GC: variants seen among roughly 807,000 people sequenced by gnomAD.
GC encodes vitamin D-binding protein.
A neutral mutation model predicts 56.7 loss-of-function variants in GC; 43 were observed. The observed-to-expected ratio is 0.76, with a 90% CI of 0.59 to 0.98. The LOEUF (loss-of-function observed/expected upper bound fraction) is 0.98. Among genes scored for constraint, GC ranks in the 50% least tolerant of loss-of-function variants. GC has a pLI of 0.00. For synonymous variants in GC, 216 were observed against 202.7 expected (o/e 1.07, Z -0.56); for missense variants, 529 against 545.9 (o/e 0.97, Z 0.31).
chr4:71,757,752 A>G (rs1407445989), intron 7 of GC, among the ~76,000 whole-genome samples: 2 of 152,214 alleles, frequency 1.3e-5, no homozygotes, highest in Non-Finnish European at 2.9e-5. Flanking sequence ...ATATGTGGTA[A>G]TGAATACCAT....
intron 1 of GC, among the ~76,000 whole-genome samples, chr4:71,792,591 T>G (rs1352499911): frequency 6.6e-6 from 1 of 152,144 alleles, no homozygotes; most frequent in Non-Finnish European, 1.5e-5. Context: ...ATTGCAAAAA[T>G]TTTCTCCCAT....
upstream of GC, among the ~76,000 whole-genome samples, chr4:71,786,194 A>AT (rs112539135): frequency 1.7e-4 from 26 of 151,934 alleles, 2 homozygotes; most frequent in African/African-American, 6.3e-4. Flanking sequence ...TCTTGGCTGA[A>AT]TTTTCTAACT....
intron 1 of GC, among the ~76,000 whole-genome samples, chr4:71,777,060 A>G (rs1372055324): frequency 1.3e-5 from 2 of 151,874 alleles, no homozygotes; most frequent in African/African-American, 2.4e-5. Flanking sequence ...AAAGATTAGT[A>G]ATTTATCTTT....
At chr4:71,781,007 C>T (rs919535956) in intron 1 of GC, among the ~76,000 whole-genome samples, 9 of 151,770 alleles carry the variant, frequency 5.9e-5, no homozygotes, top group South Asian at 2.1e-4. Flanking sequence ...AATGATAGAC[C>T]GGATTTAAAA....
At chr4:71,800,797 A>G (rs1010534275) in intron 1 of GC, among the ~76,000 whole-genome samples, 4 of 152,164 alleles carry the variant, frequency 2.6e-5, no homozygotes, top group African/African-American at 9.7e-5. Context: ...ATGGTATCTC[A>G]TTGTGATTTT....
Position 71,751,848 on chromosome 4 carries a change from G to T in GC, c.1395+670C>A, listed in dbSNP as rs1308728440. 3.3e-5 allele frequency among the ~76,000 whole-genome samples: 5 copies of T among 150,942 alleles called. No individual in the cohort carries two copies. The East Asian group carries it at 9.7e-4, about 29-fold the overall frequency. On this transcript the variant is annotated intron_variant, in intron 11 of 12. Transcript: ENST00000273951. ...AAAAAAGAAATTCGTAATAAAAAAT[G>T]ACTAAAATTTTAATATTCTTTAAAA...
chr4:71,791,322 G>A (rs150385432), intron 1 of GC, among the ~76,000 whole-genome samples: 39 of 152,110 alleles, frequency 2.6e-4, no homozygotes, highest in African/African-American at 8.7e-4. Context: ...CTTCTGATAA[G>A]GAGTTGACAG....
At chr4:71,757,233 A>T (rs1741808395) in intron 7 of GC, among the ~76,000 whole-genome samples, 1 of 152,200 alleles carries the variant, frequency 6.6e-6, no homozygotes. Flanking sequence ...ACAATAGAGG[A>T]TTAGTAAAAT....
chr4:71,785,694 T>C (rs995527582), upstream of GC, among the ~76,000 whole-genome samples: 24 of 151,798 alleles, frequency 1.6e-4, no homozygotes, highest in African/African-American at 5.8e-4. Flanking sequence ...CTGATTACTA[T>C]AAATCTAAAT....
intron 1 of GC, among the ~76,000 whole-genome samples, chr4:71,789,194 G>T (rs936110905): frequency 1.3e-5 from 2 of 151,564 alleles, no homozygotes; most frequent in Non-Finnish European, 2.9e-5. Context: ...ATATGTGAGA[G>T]AATGAGAAAA....
intron 3 of GC, among the ~76,000 whole-genome samples, chr4:71,766,320 T>C (rs747715874): frequency 6.6e-6 from 1 of 152,212 alleles, no homozygotes; most frequent in Non-Finnish European, 1.5e-5. Context: ...CCAAGATTTA[T>C]GTGCAGGTGC....
chr4:71,803,562 A>C (rs1743298391), intron 1 of GC, among the ~76,000 whole-genome samples: 1 of 152,242 alleles, frequency 6.6e-6, no homozygotes, highest in Non-Finnish European at 1.5e-5. Flanking sequence ...GCAATAGTGC[A>C]GTAAAAATAC....
At chr4:71,767,609 A>T (rs1187954997) in intron 3 of GC, among the ~76,000 whole-genome samples, 1 of 99,064 alleles carries the variant, frequency 1.0e-5, no homozygotes, top group Non-Finnish European at 2.1e-5. Flanking sequence ...TCATGAGCTG[A>T]TATATATATA....
chr4:71,793,453 C>T (rs903191663), intron 1 of GC, among the ~76,000 whole-genome samples: 6 of 151,988 alleles, frequency 3.9e-5, no homozygotes, highest in Admixed American at 1.3e-4. Flanking sequence ...TGATTTGGCT[C>T]TCTGTTTATT....
chr4:71,780,667 A>C (rs1252872985), intron 1 of GC, among the ~76,000 whole-genome samples: 1 of 152,176 alleles, frequency 6.6e-6, no homozygotes, highest in Non-Finnish European at 1.5e-5. Context: ...GAGGAATGCA[A>C]ATCAAAACCA....
At chr4:71,760,082 G>A (rs990573795) in intron 6 of GC, among the ~76,000 whole-genome samples, 23 of 141,446 alleles carry the variant, frequency 1.6e-4, no homozygotes, top group African/African-American at 2.4e-4. Flanking sequence ...TCGCTCTGTC[G>A]CCCCAGGCTG....
upstream of GC, among the ~76,000 whole-genome samples, chr4:71,804,967 C>T (rs533166128): frequency 6.6e-6 from 1 of 152,178 alleles, no homozygotes; most frequent in Admixed American, 6.5e-5. Context: ...CTTCTCCCTT[C>T]CCTGTTTAGG....
At chr4:71,794,295 T>A (rs1254441100) in intron 1 of GC, among the ~76,000 whole-genome samples, 1 of 152,214 alleles carries the variant, frequency 6.6e-6, no homozygotes, top group Non-Finnish European at 1.5e-5. Context: ...CTGGACTTTA[T>A]TTGTTTGGTA....
intron 12 of GC, among the ~76,000 whole-genome samples, chr4:71,743,046 A>G (rs570073442): frequency 6.6e-6 from 1 of 152,172 alleles, no homozygotes; most frequent in Non-Finnish European, 1.5e-5. Context: ...GCCACAATCA[A>G]TTTGGAGCTT....
Sources: allele counts gnomAD v4.1 joint callset (sites outside exome capture counted in the v4.1 genomes callset), GRCh38; gene constraint gnomAD v4.1.1; transcripts MANE v1.5; gene names NCBI Gene and HGNC (gene_info 2026-07-23, HGNC 2026-07-21).